The following DMGDH variants were observed in gnomAD, a reference collection of about 807,000 sequenced individuals.
DMGDH encodes the protein dimethylglycine dehydrogenase, mitochondrial.
A neutral mutation model predicts 95.2 loss-of-function variants in DMGDH; 76 were observed. The observed-to-expected ratio is 0.80, with a 90% CI of 0.66 to 0.97. The LOEUF (loss-of-function observed/expected upper bound fraction) is 0.97, where lower values mean the gene tolerates loss of function less well. Ranked by LOEUF, DMGDH falls within the 50% of genes least tolerant of loss-of-function variation. DMGDH has a pLI of 0.00. For synonymous variants in DMGDH, 345 were observed against 377.6 expected (o/e 0.91, Z 1.00); for missense variants, 987 against 1,055.0 (o/e 0.94, Z 0.89).
At chr5:79,042,507 G>A (rs756580049) in intron 6 of DMGDH, 26 bp from the exon 7 acceptor site, 1 of 1,611,472 alleles carries the variant, frequency 6.2e-7, no homozygotes, top group South Asian at 1.1e-5. Flanking sequence ...CTTGTGGTCA[G>A]GATGCCGTAG....
At position 79,005,360 on chromosome 5, in the gene DMGDH, C is replaced by G. The variant is rs1364957097; in HGVS notation, c.2298G>C (p.Lys766Asn). ...GGCAGACCAGTCTTCGTTTCAGCCC[C>G]TTGGCTTTAATCTGTTTCAGTGCTT... ...GKQALKQIKA[K>N]GLKRRLVCLT... Residue 766 changes from lysine (K) to asparagine (N), a missense_variant, in exon 15 of 16, where the codon AAG becomes AAC. Lys to Asn is a moderately conservative substitution (Grantham distance 94, BLOSUM62 0). Transcript: ENST00000255189. 6.2e-7 allele frequency: 1 copy of G among 1,613,894 alleles called. No homozygotes were observed. Among genetic ancestry groups the G allele is most frequent in the Non-Finnish European group, 8.5e-7 (1 of 1,180,002 alleles).
chr5:79,003,884 T>C (rs1470907056), intron 15 of DMGDH, among the ~76,000 whole-genome samples: 1 of 151,848 alleles, frequency 6.6e-6, no homozygotes, highest in Non-Finnish European at 1.5e-5. Flanking sequence ...GAAGCGGAGG[T>C]TGCAGTGAGC....
At chr5:79,064,652 C>T (rs1755317667) in intron 1 of DMGDH, among the ~76,000 whole-genome samples, 1 of 151,982 alleles carries the variant, frequency 6.6e-6, no homozygotes. Flanking sequence ...AGTTTAAATG[C>T]AAACACATTC....
intron 6 of DMGDH, 23 bp from the exon 7 acceptor site, chr5:79,042,504 T>G: frequency 6.2e-7 from 1 of 1,612,784 alleles, no homozygotes; most frequent in Non-Finnish European, 8.5e-7. Flanking sequence ...GCCCTTGTGG[T>G]CAGGATGCCG....
At chr5:79,036,512 CT>C (rs1687346081) in intron 7 of DMGDH, among the ~76,000 whole-genome samples, 1 of 152,114 alleles carries the variant, frequency 6.6e-6, no homozygotes, top group Admixed American at 6.5e-5. Flanking sequence ...ATTCATAAGA[CT>C]TTTTTGGGCA....
intron 15 of DMGDH, 80 bp from the exon 16 acceptor site, chr5:78,998,377 A>C: frequency 7.4e-7 from 1 of 1,356,124 alleles, no homozygotes; most frequent in Non-Finnish European, 1.0e-6. Context: ...AAAAACTAAA[A>C]TACAGATTCA....
intron 14 of DMGDH, among the ~76,000 whole-genome samples, chr5:79,010,326 G>A (rs1010018292): frequency 6.6e-6 from 1 of 152,124 alleles, no homozygotes; most frequent in African/African-American, 2.4e-5. Flanking sequence ...ACAGCAGCAC[G>A]GTAGGCAGGG....
Position 79,055,838 on chromosome 5 carries a change from T to C in DMGDH, c.347A>G (p.Tyr116Cys). The change falls in exon 3 of 16, where the codon TAT (tyrosine) becomes TGT (cysteine). Residue 116 changes from tyrosine to cysteine, a missense_variant. Physicochemically the swap from Tyr to Cys is radical, Grantham distance 194. Coordinates refer to ENST00000255189, the MANE Select transcript of DMGDH (RefSeq NM_013391.3). Reference protein sequence around the residue: ...KKIHYDSIKLYEKLEEETGQV... With the variant: ...KKIHYDSIKLCEKLEEETGQV... The stretch of plus-strand genomic sequence containing the variant: ...ACCAGTTTCTTCTTCCAGTTTCTCA[T>C]AAAGTTTGATGCTATCATAATGTAT... 1.9e-6 allele frequency: 3 copies of C among 1,611,190 alleles called. No individual in the cohort carries two copies. The highest frequency in any genetic ancestry group is 2.2e-5 in the South Asian group (2 of 91,002).
chr5:79,052,263 T>C (rs925198092), intron 4 of DMGDH, among the ~76,000 whole-genome samples: 3 of 152,166 alleles, frequency 2.0e-5, no homozygotes, highest in Non-Finnish European at 4.4e-5. Context: ...ATACCAGTCT[T>C]TCTTTTTGGG....
intron 14 of DMGDH, among the ~76,000 whole-genome samples, chr5:79,018,903 T>C (rs1354440391): frequency 2.0e-5 from 3 of 152,204 alleles, no homozygotes; most frequent in Admixed American, 6.5e-5. Flanking sequence ...GTTTCAGGAA[T>C]GGTCAACTAC....
chr5:79,033,987 GA>G (rs1754268765), intron 7 of DMGDH, among the ~76,000 whole-genome samples: 1 of 152,064 alleles, frequency 6.6e-6, no homozygotes, highest in Non-Finnish European at 1.5e-5. Context: ...TCTTTATGGG[GA>G]AAAGGCTCGG....
intron 14 of DMGDH, among the ~76,000 whole-genome samples, chr5:79,012,246 C>A (rs1384126131): frequency 1.3e-5 from 2 of 152,194 alleles, no homozygotes; most frequent in African/African-American, 4.8e-5. Context: ...AAAAACCCAG[C>A]AGGGAAGTCA....
intron 5 of DMGDH, among the ~76,000 whole-genome samples, chr5:79,045,098 A>G (rs913362930): frequency 7.9e-5 from 12 of 152,250 alleles, no homozygotes; most frequent in African/African-American, 2.4e-4. Context: ...TGTTCTGTTA[A>G]GCTAAAATTG....
At chr5:79,016,849 T>C (rs1183496898) in intron 14 of DMGDH, among the ~76,000 whole-genome samples, 5 of 152,110 alleles carry the variant, frequency 3.3e-5, no homozygotes, top group Admixed American at 1.3e-4. Flanking sequence ...TAAACAGATA[T>C]ACAGAATACA....
intron 12 of DMGDH, 147 bp downstream of exon 12, chr5:79,028,286 A>T (rs1754054581): frequency 1.4e-6 from 1 of 692,598 alleles, no homozygotes; most frequent in Admixed American, 2.7e-5. Context: ...CTTCCTCCAA[A>T]GTCGCATGGA....
At chr5:79,056,730 C>T (rs1242232585) in intron 2 of DMGDH, among the ~76,000 whole-genome samples, 3 of 151,924 alleles carry the variant, frequency 2.0e-5, no homozygotes. Flanking sequence ...TGGTGCAAGC[C>T]TGCAGTCCCA....
At chr5:79,029,182 C>T (rs1320687246) in intron 11 of DMGDH, among the ~76,000 whole-genome samples, 1 of 152,120 alleles carries the variant, frequency 6.6e-6, no homozygotes, top group African/African-American at 2.4e-5. Context: ...ATTGAGCAGT[C>T]CTTGAGCTAT....
intron 4 of DMGDH, among the ~76,000 whole-genome samples, chr5:79,053,421 C>T (rs1053919833): frequency 3.3e-5 from 5 of 152,192 alleles, no homozygotes; most frequent in African/African-American, 1.2e-4. Context: ...CCACCTTGGC[C>T]TTACCACATG....
chr5:79,050,564 C>T (rs1047242599), intron 5 of DMGDH, among the ~76,000 whole-genome samples: 1 of 152,128 alleles, frequency 6.6e-6, no homozygotes, highest in Non-Finnish European at 1.5e-5. Context: ...ATGTGTGATA[C>T]TTGAAAATGA....
Sources: allele counts gnomAD v4.1 joint callset (sites outside exome capture counted in the v4.1 genomes callset), GRCh38; gene constraint gnomAD v4.1.1; transcripts MANE v1.5; gene names NCBI Gene and HGNC (gene_info 2026-07-23, HGNC 2026-07-21).